The following RNF4 variants were observed in gnomAD, a reference collection of about 807,000 sequenced individuals.
RNF4 encodes E3 ubiquitin-protein ligase RNF4.
RNF4 carries 7 observed loss-of-function variants against 24.3 expected under a neutral mutation model. The ratio of observed to expected loss-of-function variants is 0.29; its 90% CI spans 0.16 to 0.54. The LOEUF (loss-of-function observed/expected upper bound fraction) is 0.54, where lower values mean the gene tolerates loss of function less well. Among genes scored for constraint, RNF4 ranks in the 20% least tolerant of loss-of-function variants. The pLI is 0.95. For missense variants in RNF4, 209 were observed against 248.5 expected, an observed-to-expected ratio of 0.84 and a Z score of 1.07; for synonymous variants, 83 against 84.3, an observed-to-expected ratio of 0.98 and a Z score of 0.09.
chr4:2,512,254 A>C lies in RNF4; in HGVS notation c.215-184A>C. ...CAGGGGTTGGGGGGTTTCTCCTGGG[A>C]AGATAAGATAGTGGCCTCCAGAGCT... On this transcript the variant is annotated intron_variant, in intron 5 of 7. Coordinates refer to ENST00000314289, the MANE Select transcript of RNF4 (RefSeq NM_002938.5). This position sits in a 1 kb window ranked among gnomAD's most constrained non-coding sequence, Gnocchi z 4.1. The C allele has an allele frequency of 1.3e-6, 1 of 741,008 alleles. No homozygotes were observed. Among genetic ancestry groups the C allele is most frequent in the South Asian group, 1.8e-5 (1 of 56,278 alleles). The allele number at this position is 741,008 out of a possible 1,614,324, so 45.9% of individuals were successfully genotyped here.
At position 2,514,197 on chromosome 4, in the gene RNF4, C is replaced by T. The variant is rs934558452; in HGVS notation, c.*378C>T. The T allele has an allele frequency of 1.7e-5, 4 of 232,228 alleles. No individual in the cohort carries two copies. Among genetic ancestry groups the T allele is most frequent in the South Asian group, 1.3e-4 (2 of 14,908 alleles). 14.4% of individuals were successfully genotyped at this position (232,228 alleles called of 1,614,324 possible). On this transcript the variant is annotated 3_prime_UTR_variant, in exon 8 of 8. Coordinates refer to ENST00000314289, the MANE Select transcript of RNF4 (RefSeq NM_002938.5). ...ACCACCTTTTGTCCCAAGTGTCTGCCGGTCGACCAATCTGCCTGCCACACA... is the reference window on the plus strand; with the variant it reads ...ACCACCTTTTGTCCCAAGTGTCTGCTGGTCGACCAATCTGCCTGCCACACA...
intron 1 of RNF4, among the ~76,000 whole-genome samples, chr4:2,475,401 C>T (rs867830576): frequency 7.2e-5 from 11 of 152,092 alleles, no homozygotes; most frequent in East Asian, 1.9e-4. Context: ...TGCAGTGGCG[C>T]GATCTCGGCT....
At chr4:2,490,882 C>T (rs966403957) in intron 2 of RNF4, 2 of 174,414 alleles carry the variant, frequency 1.1e-5, no homozygotes, top group Non-Finnish European at 1.2e-5. Flanking sequence ...AAAAAGATTA[C>T]TTGAGCCTAG....
In RNF4 at chr4:2,514,087, C is replaced by A; in HGVS notation, c.*268C>A. The A allele has an allele frequency of 2.4e-6, 1 of 418,058 alleles. No individual in the cohort carries two copies. 25.9% of individuals were successfully genotyped at this position (418,058 alleles called of 1,614,324 possible). A position where few individuals can be genotyped will look rare whatever the true frequency, so the allele number is the denominator to read the frequency against. ...AAAGGGAGTCAGGCGCATTGGGAAT[C>A]GTGGTTCCAGTCTGGTTGCAGAATC... is the stretch of plus-strand genomic sequence containing the variant. On this transcript the variant is annotated 3_prime_UTR_variant, in exon 8 of 8. Coordinates refer to ENST00000314289, the MANE Select transcript of RNF4 (RefSeq NM_002938.5).
At chr4:2,492,655 A>G (rs767913412) in intron 2 of RNF4, among the ~76,000 whole-genome samples, 1 of 152,162 alleles carries the variant, frequency 6.6e-6, no homozygotes, top group Non-Finnish European at 1.5e-5. Context: ...GGGAACAGTG[A>G]TGGAAATGCT....
intron 1 of RNF4, among the ~76,000 whole-genome samples, chr4:2,483,087 A>G (rs1735291670): frequency 6.6e-6 from 1 of 152,132 alleles, no homozygotes; most frequent in African/African-American, 2.4e-5. Flanking sequence ...TATAATACCT[A>G]TTTATTACTT....
intron 3 of RNF4, chr4:2,499,413 A>T: frequency 2.7e-6 from 1 of 369,440 alleles, no homozygotes. Context: ...AGTAGCTGGG[A>T]TTACAGGCAT....
chr4:2,477,029 G>A (rs1205530249), intron 1 of RNF4, among the ~76,000 whole-genome samples: 2 of 151,070 alleles, frequency 1.3e-5, no homozygotes, highest in South Asian at 2.1e-4. Context: ...TGATCTGCCC[G>A]CCTCAGCCTC....
chr4:2,485,392 C>T (rs1371976376), intron 1 of RNF4, among the ~76,000 whole-genome samples: 3 of 152,196 alleles, frequency 2.0e-5, no homozygotes, highest in Non-Finnish European at 4.4e-5. Context: ...CCTGCCTCCC[C>T]AAGTTTTCAC....
intron 4 of RNF4, among the ~76,000 whole-genome samples, chr4:2,506,664 C>G (rs895827555): frequency 6.6e-6 from 1 of 151,706 alleles, no homozygotes; most frequent in Non-Finnish European, 1.5e-5. Flanking sequence ...ACCTTCTGGG[C>G]TCAATTGAGC....
intron 4 of RNF4, among the ~76,000 whole-genome samples, chr4:2,508,273 A>G (rs1736162651): frequency 6.6e-6 from 1 of 152,182 alleles, no homozygotes; most frequent in Non-Finnish European, 1.5e-5. Context: ...AGCCTCTCAA[A>G]TAGATTAGAG....
intron 4 of RNF4, among the ~76,000 whole-genome samples, chr4:2,502,938 A>C (rs1374610907): frequency 6.6e-6 from 1 of 151,712 alleles, no homozygotes; most frequent in Non-Finnish European, 1.5e-5. Flanking sequence ...GCAGCCTCCA[A>C]CCCCTGAGCT....
intron 4 of RNF4, chr4:2,505,723 C>CTTTTTTTTTTTTTTTTTTTTT (rs67508332): frequency 2.0e-5 from 1 of 50,634 alleles, no homozygotes; most frequent in African/African-American, 8.7e-5. Flanking sequence ...CATGGTCTGC[C>CTTTTTTTTTTTTTTTTTTTTT]TTTTTTTTTT....
At chr4:2,477,525 C>T (rs551412463) in intron 1 of RNF4, among the ~76,000 whole-genome samples, 1 of 152,204 alleles carries the variant, frequency 6.6e-6, no homozygotes, top group Non-Finnish European at 1.5e-5. Context: ...GTGGAGATTA[C>T]AGTGAGCCGA....
chr4:2,475,708 T>C (rs1184695657), intron 1 of RNF4, among the ~76,000 whole-genome samples: 1 of 152,180 alleles, frequency 6.6e-6, no homozygotes, highest in African/African-American at 2.4e-5. Flanking sequence ...GGTCTCAGAC[T>C]CCAGACTCAT....
chr4:2,470,027 TG>T (rs1315770366), intron 1 of RNF4: 1 of 152,292 alleles, frequency 6.6e-6, no homozygotes, highest in Admixed American at 6.5e-5. Flanking sequence ...GGATAGAGCT[TG>T]GGCAAGCCGT....
intron 2 of RNF4, among the ~76,000 whole-genome samples, chr4:2,491,137 T>G (rs1735568227): frequency 6.6e-6 from 1 of 152,220 alleles, no homozygotes; most frequent in Non-Finnish European, 1.5e-5. Context: ...GTGACATTCT[T>G]GGTTCATTCA....
intron 1 of RNF4, among the ~76,000 whole-genome samples, chr4:2,483,317 T>G (rs1735297746): frequency 1.3e-5 from 2 of 152,152 alleles, no homozygotes; most frequent in Admixed American, 1.3e-4. Context: ...GGTGTTCTAC[T>G]CAATTAAAGA....
intron 1 of RNF4, among the ~76,000 whole-genome samples, chr4:2,479,115 G>A (rs928519115): frequency 6.6e-6 from 1 of 152,184 alleles, no homozygotes; most frequent in Non-Finnish European, 1.5e-5. Context: ...GCTGGATTTC[G>A]GACTTGCATG....
Sources: allele counts gnomAD v4.1 joint callset (sites outside exome capture counted in the v4.1 genomes callset), GRCh38; gene constraint gnomAD v4.1.1; non-coding constraint Gnocchi (gnomAD v3.1); transcripts MANE v1.5; gene names NCBI Gene and HGNC (gene_info 2026-07-23, HGNC 2026-07-21).